ATP8A2: variants seen among roughly 807,000 people sequenced by gnomAD.
The protein encoded by ATP8A2 is phospholipid-transporting ATPase IB.
ATP8A2 carries 100 observed loss-of-function variants against 165.6 expected under a neutral mutation model. That is an observed-to-expected ratio of 0.60 (90% CI 0.51 to 0.71). ATP8A2 has a LOEUF of 0.71. Ranked by LOEUF, ATP8A2 falls within the 30% of genes least tolerant of loss-of-function variation. The pLI is 0.00. For synonymous variants in ATP8A2, 543 were observed against 548.8 expected (o/e 0.99, Z 0.15); for missense variants, 1,227 against 1,479.5 (o/e 0.83, Z 2.80).
At chr13:25,536,670 T>C (rs2038296187) in intron 6 of ATP8A2, among the ~76,000 whole-genome samples, 1 of 152,202 alleles carries the variant, frequency 6.6e-6, no homozygotes, top group Non-Finnish European at 1.5e-5. Context: ...TCTAAGAGAA[T>C]AGTAACATGG....
intron 35 of ATP8A2, among the ~76,000 whole-genome samples, chr13:25,981,034 G>A (rs17082920): frequency 0.074 from 11,291 of 152,174 alleles, 1,304 homozygotes; most frequent in African/African-American, 0.25. Context: ...TTTTCAAAAC[G>A]ACAAAAATTA....
At chr13:25,903,897 TG>T (rs1175315765) in intron 33 of ATP8A2, among the ~76,000 whole-genome samples, 1 of 152,214 alleles carries the variant, frequency 6.6e-6, no homozygotes, top group African/African-American at 2.4e-5. Flanking sequence ...GTTCTGCAGT[TG>T]ATTTCTCAGC....
chr13:25,763,675 AG>A (rs1485893236), intron 25 of ATP8A2, among the ~76,000 whole-genome samples: 2 of 152,204 alleles, frequency 1.3e-5, no homozygotes, highest in Admixed American at 6.5e-5. Flanking sequence ...TTTAGAATTT[AG>A]GGCTACAATG....
At chr13:25,925,273 G>A (rs561427783) in intron 33 of ATP8A2, among the ~76,000 whole-genome samples, 2 of 152,250 alleles carry the variant, frequency 1.3e-5, no homozygotes, top group East Asian at 1.9e-4. Flanking sequence ...GTGGCTCAAC[G>A]CCTGTAATCC....
chr13:25,922,681 C>G (rs529462884), intron 33 of ATP8A2, among the ~76,000 whole-genome samples: 10 of 152,298 alleles, frequency 6.6e-5, no homozygotes, highest in Admixed American at 3.9e-4. Flanking sequence ...CTTTTTCTGG[C>G]TGGCCATTAG....
intron 24 of ATP8A2, among the ~76,000 whole-genome samples, chr13:25,677,643 G>C (rs990158200): frequency 1.3e-5 from 2 of 152,178 alleles, no homozygotes; most frequent in African/African-American, 4.8e-5. Context: ...TTTTGATCTT[G>C]GTGAAGGGTA....
At chr13:25,748,338 C>T (rs217866) in intron 25 of ATP8A2, among the ~76,000 whole-genome samples, 1,953 of 152,252 alleles carry the variant, frequency 0.013, 44 homozygotes, top group African/African-American at 0.045. Flanking sequence ...TTTGGAATGA[C>T]CTGATTTTTC....
chr13:25,466,505 T>G (rs566022195), intron 1 of ATP8A2, among the ~76,000 whole-genome samples: 1 of 152,314 alleles, frequency 6.6e-6, no homozygotes, highest in South Asian at 2.1e-4. Flanking sequence ...AGTCACACAC[T>G]GGTAAGTAAC....
rs116697706 is a variant in ATP8A2 at position 25,430,962 on chromosome 13, T to A, written c.77-38015T>A. Among the ~76,000 whole-genome samples the A allele has an allele frequency of 8.4e-3, 1,284 of 152,078 alleles. 20 individuals are homozygous for A. The highest frequency in any genetic ancestry group is 0.029 in the African/African-American group (1,188 of 41,480). ...CAAGGGAAGAAACTGGTTAATATTGTCACTCCTTGTTTAAGTGGCTATTCC... is the reference window on the plus strand; with the variant it reads ...CAAGGGAAGAAACTGGTTAATATTGACACTCCTTGTTTAAGTGGCTATTCC... On this transcript the variant is annotated intron_variant, in intron 1 of 36. Coordinates refer to ENST00000381655, the MANE Select transcript of ATP8A2 (RefSeq NM_016529.6).
Position 25,472,366 on chromosome 13 carries a change from C to G in ATP8A2, c.221+3245C>G, listed in dbSNP as rs527533443. Among the ~76,000 whole-genome samples, 102 of 150,072 alleles carry G rather than the reference C, an allele frequency of 6.8e-4. 1 individual carries two copies. The highest frequency in any genetic ancestry group is 2.4e-3 in the African/African-American group (99 of 40,538). The stretch of plus-strand genomic sequence containing the variant: ...CCCAAATCACACCACTGCACTCTAG[C>G]CTGGGTGACAGAGCAAGACTCCGTC... On this transcript the variant is annotated intron_variant, in intron 2 of 36. Transcript: ENST00000381655.
chr13:25,716,571 GAC>G (rs1266953607), intron 25 of ATP8A2, among the ~76,000 whole-genome samples: 1 of 152,200 alleles, frequency 6.6e-6, no homozygotes, highest in African/African-American at 2.4e-5. Context: ...TTGTTGAAGA[GAC>G]AGTCTTTTCC....
intron 35 of ATP8A2, among the ~76,000 whole-genome samples, chr13:25,971,728 G>C (rs1481365850): frequency 6.6e-6 from 1 of 152,058 alleles, no homozygotes; most frequent in Non-Finnish European, 1.5e-5. Flanking sequence ...GACAGTCACC[G>C]GGCCTCCAGG....
At chr13:25,864,172 T>C (rs1231080581) in intron 33 of ATP8A2, among the ~76,000 whole-genome samples, 1 of 152,162 alleles carries the variant, frequency 6.6e-6, no homozygotes, top group Admixed American at 6.5e-5. Flanking sequence ...TGGGGAATTT[T>C]GTGGTGATGG....
intron 24 of ATP8A2, among the ~76,000 whole-genome samples, chr13:25,605,289 C>T (rs1002152480): frequency 6.6e-6 from 1 of 152,066 alleles, no homozygotes; most frequent in Admixed American, 6.6e-5. Context: ...AAGACAGAAC[C>T]TTTGATGTAG....
chr13:25,800,682 A>C (rs1348587657), intron 27 of ATP8A2, among the ~76,000 whole-genome samples: 1 of 152,112 alleles, frequency 6.6e-6, no homozygotes, highest in East Asian at 1.9e-4. Context: ...GCTAAGAAGT[A>C]ACTCCCTGGG....
chr13:25,725,007 CT>C (rs1032287605), intron 25 of ATP8A2, among the ~76,000 whole-genome samples: 1 of 152,126 alleles, frequency 6.6e-6, no homozygotes, highest in African/African-American at 2.4e-5. Context: ...AAATGTCACC[CT>C]AGATAGGCAG....
chr13:25,557,195 A>G (rs113808518), intron 13 of ATP8A2, among the ~76,000 whole-genome samples: 2,831 of 152,300 alleles, frequency 0.019, 34 homozygotes, highest in African/African-American at 0.031. Context: ...ATATTCATAT[A>G]AGTGCTCTAA....
intron 24 of ATP8A2, among the ~76,000 whole-genome samples, chr13:25,623,367 G>A (rs917983414): frequency 6.6e-6 from 1 of 152,078 alleles, no homozygotes; most frequent in Non-Finnish European, 1.5e-5. Flanking sequence ...CTGCATTCCA[G>A]CCTGGGCAAC....
At chr13:25,381,853 C>T (rs2032849537) in intron 1 of ATP8A2, among the ~76,000 whole-genome samples, 1 of 152,116 alleles carries the variant, frequency 6.6e-6, no homozygotes, top group Non-Finnish European at 1.5e-5. Context: ...GATATGTTGA[C>T]AAGATATTAC....
Sources: allele counts gnomAD v4.1 joint callset (sites outside exome capture counted in the v4.1 genomes callset), GRCh38; gene constraint gnomAD v4.1.1; transcripts MANE v1.5; gene names NCBI Gene and HGNC (gene_info 2026-07-23, HGNC 2026-07-21).